Variants in WAS observed in about 807,000 individuals in gnomAD.
WAS encodes WASP actin nucleation promoting factor.
Under a neutral mutation model 38.9 loss-of-function variants are expected in WAS, and 1 was observed. That is an observed-to-expected ratio of 0.03 (90% confidence interval 0.01 to 0.12). The LOEUF (loss-of-function observed/expected upper bound fraction) is 0.12. WAS is among the 10% of genes least tolerant of loss of function. The pLI, the probability that WAS is intolerant of heterozygous loss-of-function variation, is 1.00. For missense variants in WAS, 311 were observed against 431.2 expected, an observed-to-expected ratio of 0.72 and a Z score of 2.47; for synonymous variants, 182 against 173.6, an observed-to-expected ratio of 1.05 and a Z score of -0.38.
chrX:48,681,772 C>T (rs1053629532), upstream of WAS, among the ~76,000 whole-genome samples: 8 of 111,563 alleles, frequency 7.2e-5, no homozygotes, highest in African/African-American at 2.6e-4. Context: ...AGTGGGGACA[C>T]GGGAGGGAGG....
At chrX:48,679,506 G>A (rs1557005540), upstream of WAS, among the ~76,000 whole-genome samples, 1 of 112,086 alleles carries the variant, frequency 8.9e-6, no homozygotes, top group Admixed American at 9.5e-5. Context: ...CAACCAGCAA[G>A]GCTGTTGTGG....
intron 11 of WAS, among the ~76,000 whole-genome samples, chrX:48,690,710 GACTA>G (rs1815967203): frequency 9.0e-6 from 1 of 110,549 alleles, no homozygotes. Flanking sequence ...GAGTAGCTGG[GACTA>G]CAGGCACGCC....
intron 11 of WAS, among the ~76,000 whole-genome samples, chrX:48,689,988 T>G (rs2062434547): frequency 9.5e-6 from 1 of 104,860 alleles, no homozygotes; most frequent in African/African-American, 3.5e-5. Context: ...GTGACAGAGA[T>G]CCTATCTCAA....
At chrX:48,680,952 C>T (rs1032005501), upstream of WAS, among the ~76,000 whole-genome samples, 15 of 111,453 alleles carry the variant, frequency 1.3e-4, no homozygotes, top group Admixed American at 3.8e-4. Context: ...TTCTGGAGGC[C>T]GAGAAAGAAG....
At chrX:48,686,671 T>G in intron 6 of WAS, 110 bp from the exon 7 acceptor site, 1 of 962,853 alleles carries the variant, frequency 1.0e-6, no homozygotes, top group Non-Finnish European at 1.5e-6. Context: ...ACTACCTCCA[T>G]GACCATCCAA....
chrX:48,688,207 C>T, intron 8 of WAS, 93 bp from the exon 9 acceptor site: 1 of 1,156,420 alleles, frequency 8.6e-7, no homozygotes, highest in African/African-American at 1.8e-5. Context: ...CCTCTCAGAT[C>T]CCTTGCTGGG....
upstream of WAS, chrX:48,683,785 C>T (rs1172980286): frequency 3.5e-5 from 41 of 1,181,478 alleles, no homozygotes; most frequent in Non-Finnish European, 4.7e-5. Flanking sequence ...CCTTGCTGCT[C>T]ATTGCGGAAG....
intron 7 of WAS, among the ~76,000 whole-genome samples, chrX:48,687,324 G>A (rs1343484466): frequency 1.8e-5 from 2 of 111,459 alleles, no homozygotes; most frequent in African/African-American, 6.5e-5. Context: ...AGATAGATGA[G>A]GTAGATGATG....
Position 48,683,872 on chromosome X carries a change from G to GATT in WAS, c.19_20insATT (p.Gly7delinsAspTer). On this transcript the variant is annotated stop_gained and protein_altering_variant, in exon 1 of 12. Transcript: ENST00000376701. LOFTEE classifies it high-confidence loss of function. ...AAGCACCATGAGTGGGGGCCCAATG[G>GATT]GAGGAAGGCCCGGGGGCCGAGGAGC... 1 of 1,211,733 alleles carries GATT rather than the reference G, an allele frequency of 8.3e-7. No homozygotes were observed. The highest frequency in any genetic ancestry group is 1.1e-6 in the Non-Finnish European group (1 of 895,461).
Position 48,688,803 on chromosome X carries a change from C to T in WAS, c.1075C>T (p.Pro359Ser), listed in dbSNP as rs2062428888. 9.0e-7 allele frequency: 1 copy of T among 1,108,433 alleles called. No homozygotes were observed. The highest frequency in any genetic ancestry group is 2.1e-5 in the South Asian group (1 of 46,779). The allele number at this position is 1,108,433 out of a possible 1,213,427, so 91.3% of individuals were successfully genotyped here. A position where few individuals can be genotyped will look rare whatever the true frequency, so the allele number is the denominator to read the frequency against. Residue 359 changes from proline (P) to serine (S), a missense_variant, in exon 10 of 12, where the codon CCC becomes TCC. Coordinates refer to ENST00000376701, the MANE Select transcript of WAS (RefSeq NM_000377.3). ...CCCACCCCCACCAACACCCCGGGGA[C>T]CCCCACCCCCAGGCCGAGGGGGCCC... ...IAPPPPTPRG[P>S]PPPGRGGPPP...
In WAS at chrX:48,685,995, C is replaced by G; in HGVS notation, c.505+8C>G. 2 of 1,211,724 alleles carry G rather than the reference C, an allele frequency of 1.7e-6. No homozygotes were observed. The highest frequency in any genetic ancestry group is 2.2e-6 in the Non-Finnish European group (2 of 895,370). On this transcript the variant is annotated splice_region_variant and intron_variant, in intron 5 of 11. Transcript: ENST00000376701. ...CAACACCAGCCAATGAAGGTGAGTC[C>G]TCTAGTGCAAGTAGGGGTAATAAGG...
At position 48,686,827 on chromosome X, in the gene WAS, C is replaced by A. The variant is rs782301435; in HGVS notation, c.606C>A (p.Ile202=). 14 of 1,211,981 alleles carry A rather than the reference C, an allele frequency of 1.2e-5. No individual in the cohort carries two copies. In the South Asian group the frequency reaches 2.5e-4, roughly 21 times the overall value. ...PLSLGLATVD[I]QNPDITSSRY... ...CCCTGGGGCTGGCGACAGTGGACAT[C>A]CAGAACCCTGACATCACGAGTTCAC... The change falls in exon 7 of 12, where the codon ATC becomes ATA. Residue 202 remains isoleucine, a synonymous_variant. Transcript: ENST00000376701.
In WAS at chrX:48,688,694, A is replaced by C. The variant is rs2062428166; in HGVS notation, c.966A>C (p.Gly322=). Reference sequence around the variant, plus strand: ...CGCCGCCCCCACCGCCATCTCGAGGAGGGAACCAGCTCCCCCGGCCCCCTA... The same window carrying C: ...CGCCGCCCCCACCGCCATCTCGAGGCGGGAACCAGCTCCCCCGGCCCCCTA... The part of the protein sequence containing the change: ...PLPPPPPPSR[G]GNQLPRPPIV... Residue 322 remains glycine, a synonymous_variant, in exon 10 of 12, where the codon GGA becomes GGC. Transcript: ENST00000376701. 2.5e-6 allele frequency: 3 copies of C among 1,194,334 alleles called. No individual in the cohort carries two copies. In the East Asian group the frequency reaches 8.9e-5, roughly 36 times the overall value.
rs376560886 is a variant in WAS at position 48,688,325 on chromosome X, G to A, written c.803G>A (p.Arg268Gln). The A allele has an allele frequency of 6.2e-5, 75 of 1,206,053 alleles. No homozygotes were observed. The highest frequency in any genetic ancestry group is 1.8e-4 in the African/African-American group (10 of 57,016). The change falls in exon 9 of 12, where the codon CGG becomes CAG. Residue 268 changes from arginine to glutamine, a missense_variant. By Grantham distance (43) the Arg-to-Gln change is conservative. Transcript: ENST00000376701. ...GTGAACAACCTCGACCCAGATCTGC[G>A]GAGTCTGTTCTCCAGGGCAGGAATC... ...FDVNNLDPDL[R>Q]SLFSRAGISE... is the part of the protein sequence containing the mutation.
chrX:48,683,623 T>A (rs1557006169), upstream of WAS, among the ~76,000 whole-genome samples: 1 of 111,232 alleles, frequency 9.0e-6, no homozygotes, highest in Non-Finnish European at 1.9e-5. Flanking sequence ...CCCAAGCTGA[T>A]CCAAAAGGTG....
chrX:48,681,910 T>C (rs1557005814), upstream of WAS, among the ~76,000 whole-genome samples: 1 of 111,741 alleles, frequency 8.9e-6, no homozygotes, highest in Non-Finnish European at 1.9e-5. Context: ...GTGCCGTTCC[T>C]CCTTCAGGTA....
chrX:48,686,735 G>T (rs370188924), intron 6 of WAS, 46 bp from the exon 7 acceptor site: 23 of 1,200,192 alleles, frequency 1.9e-5, no homozygotes, highest in Non-Finnish European at 2.6e-5. Flanking sequence ...TGCTTTGGTT[G>T]GTTGGTAAGT....
chrX:48,681,404 C>T (rs147273988), upstream of WAS, among the ~76,000 whole-genome samples: 236 of 111,723 alleles, frequency 2.1e-3, 4 homozygotes, highest in East Asian at 0.055. Flanking sequence ...CTCCTGACCT[C>T]GTGATCTGGC....
intron 1 of WAS, 61 bp from the exon 2 acceptor site, chrX:48,684,222 G>A: frequency 8.3e-7 from 1 of 1,207,440 alleles, no homozygotes; most frequent in Non-Finnish European, 1.1e-6. Context: ...ACCAGGTCTG[G>A]CTCCAAGACC....
Sources: allele counts gnomAD v4.1 joint callset (sites outside exome capture counted in the v4.1 genomes callset), GRCh38; gene constraint gnomAD v4.1.1; transcripts MANE v1.5; gene names NCBI Gene and HGNC (gene_info 2026-07-23, HGNC 2026-07-21).